The following KRT26 variants were observed in gnomAD, a reference collection of about 807,000 sequenced individuals.
The protein encoded by KRT26 is keratin, type I cytoskeletal 26.
In KRT26, 45 loss-of-function variants were observed where a neutral mutation model predicts 46.1. The observed-to-expected ratio is 0.98, with a 90% CI of 0.77 to 1.25. KRT26 has a LOEUF of 1.25. Ranked by LOEUF, KRT26 falls within the 50% of genes most tolerant of loss-of-function variation. KRT26 has a pLI of 0.00. For missense variants in KRT26, 582 were observed against 560.1 expected (o/e 1.04, Z -0.39); for synonymous variants, 191 against 209.9 (o/e 0.91, Z 0.78).
At chr17:40,766,418 G>A in exon 8 of KRT26, 2 of 981,376 alleles carry the variant, frequency 2.0e-6, no homozygotes, top group South Asian at 3.6e-5. Flanking sequence ...ATTTCCTTAG[G>A]TTATTTGACC....
chr17:40,771,915 C>T, exon 1 of KRT26: 1 of 1,614,154 alleles, frequency 6.2e-7, no homozygotes, highest in African/African-American at 1.3e-5. Flanking sequence ...CCAGCACAGG[C>T]ACCACTTCCC....
intron 6 of KRT26, among the ~76,000 whole-genome samples, chr17:40,768,177 G>T (rs533373761): frequency 3.0e-4 from 46 of 152,328 alleles, no homozygotes; most frequent in African/African-American, 9.9e-4. Context: ...GCCTTGGAGG[G>T]TGCAAGACGT....
exon 7 of KRT26, chr17:40,767,633 T>C: frequency 6.2e-7 from 1 of 1,606,820 alleles, no homozygotes; most frequent in Non-Finnish European, 8.5e-7. Context: ...TTTTGATTTG[T>C]AACATGTGGA....
At position 40,766,645 on chromosome 17, in the gene KRT26, A is replaced by G. The variant is rs201789688; in HGVS notation, c.1277T>C (p.Val426Ala). 49 of 1,612,312 alleles carry G rather than the reference A, an allele frequency of 3.0e-5. No homozygotes were observed. Among genetic ancestry groups the G allele is most frequent in the Non-Finnish European group, 3.5e-5 (41 of 1,178,778 alleles). The change falls in exon 8 of 8, where the codon GTT becomes GCT. Residue 426 changes from valine to alanine, a missense_variant. Transcript: ENST00000335552. ...ATCCAGTTCCTCAACCACTGTTTTA[A>G]CAATAGTTTCTTCTGTTGAGTCTAA... is the stretch of plus-strand genomic sequence containing the variant.
chr17:40,769,204 G>A, intron 5 of KRT26, 108 bp from the exon 6 acceptor site: 1 of 686,392 alleles, frequency 1.5e-6, no homozygotes, highest in Non-Finnish European at 2.4e-6. Context: ...TGTCACCCAG[G>A]CTGAGTGCAG....
intron 2 of KRT26, among the ~76,000 whole-genome samples, chr17:40,770,648 T>C (rs945388324): frequency 1.3e-5 from 2 of 152,192 alleles, no homozygotes; most frequent in African/African-American, 2.4e-5. Context: ...AAATAAAATA[T>C]TGCTAGATTT....
At chr17:40,771,169 T>C in exon 2 of KRT26, 2 of 1,598,318 alleles carry the variant, frequency 1.3e-6, no homozygotes, top group Non-Finnish European at 1.7e-6. Context: ...CCTGAAGTCA[T>C]CAGCGGTCAG....
chr17:40,769,170 T>G, intron 5 of KRT26, 74 bp from the exon 6 acceptor site: 2 of 978,232 alleles, frequency 2.0e-6, no homozygotes, highest in Non-Finnish European at 3.1e-6. Context: ...ATTTTATTTA[T>G]TTTTTTGAGA....
At chr17:40,771,192 A>C (rs1184087266) in exon 2 of KRT26, 6 of 1,608,326 alleles carry the variant, frequency 3.7e-6, no homozygotes, top group Admixed American at 1.7e-5. Flanking sequence ...TGGCATTGTC[A>C]TTTTGTAGAA....
At position 40,768,822 on chromosome 17, in the gene KRT26, T is replaced by C. The variant is rs977109055; in HGVS notation, c.1187+57A>G. On this transcript the variant is annotated intron_variant, in intron 6 of 7. Transcript: ENST00000335552. ...GGATGCAATATTGGCATACCTATAC[T>C]GTGGGAAAACCTAGTTAATGTGAGG... 3.8e-5 allele frequency: 36 copies of C among 948,680 alleles called. 1 individual carries two copies. Among genetic ancestry groups the C allele is most frequent in the Middle Eastern group, 6.4e-4 (2 of 3,142 alleles). 58.8% of individuals were successfully genotyped at this position (948,680 alleles called of 1,614,324 possible). A position where few individuals can be genotyped will look rare whatever the true frequency, so the allele number is the denominator to read the frequency against.
In KRT26 at chr17:40,772,064, C is replaced by T. The variant is rs150379158; in HGVS notation, c.50G>A (p.Gly17Glu). The change falls in exon 1 of 8, where the codon GGG becomes GAG. Residue 17 changes from glycine (G) to glutamate (E), a missense_variant. Physicochemically the swap from Gly to Glu is moderately conservative, Grantham distance 98 (BLOSUM62 -2). Coordinates refer to ENST00000335552, the Ensembl canonical transcript of KRT26. ...TCCTCCACCGGACAGCCTACCAGAC[C>T]CAGTTCGCGAGCAGATCCTCCTGGA... The T allele has an allele frequency of 7.8e-5, 126 of 1,614,142 alleles. No individual in the cohort carries two copies. In the African/African-American group the frequency reaches 1.6e-3, roughly 20 times the overall value.
chr17:40,768,798 G>T, intron 6 of KRT26, 81 bp downstream of exon 6: 1 of 685,284 alleles, frequency 1.5e-6, no homozygotes, highest in Non-Finnish European at 2.4e-6. Context: ...GAAATTCTAG[G>T]ATGCAATATT....
rs769675226 is a variant in KRT26 at position 40,770,247 on chromosome 17, C to T, written c.681+6G>A. 2 of 1,614,146 alleles carry T rather than the reference C, an allele frequency of 1.2e-6. No individual in the cohort carries two copies. The highest frequency in any genetic ancestry group is 8.5e-7 in the Non-Finnish European group (1 of 1,180,012). On this transcript the variant is annotated splice_donor_region_variant and intron_variant, in intron 3 of 7. Coordinates refer to ENST00000335552, the Ensembl canonical transcript of KRT26. ...CTGTATGAAGCCACTCTGCAGGCTT[C>T]CTTACCTCCTCATGACTTTTTTTGA...
At chr17:40,768,947 A>G in exon 6 of KRT26, 1 of 1,612,748 alleles carries the variant, frequency 6.2e-7, no homozygotes, top group East Asian at 2.2e-5. Flanking sequence ...TTACATCAAG[A>G]AGCTGTTCAT....
At position 40,772,036 on chromosome 17, in the gene KRT26, T is replaced by C. The variant is rs768057350; in HGVS notation, c.78A>G (p.Thr26=). The change falls in exon 1 of 8, where the codon ACA becomes ACG. Residue 26 remains threonine, a synonymous_variant. Coordinates refer to ENST00000335552, the Ensembl canonical transcript of KRT26. ...CACACACATTCCCAGCCACGAAGCC[T>C]GTTCCTCCACCGGACAGCCTACCAG... 3 of 1,614,166 alleles carry C rather than the reference T, an allele frequency of 1.9e-6. No homozygotes were observed. The East Asian group carries it at 6.7e-5, about 36-fold the overall frequency.
chr17:40,769,149 C>G, intron 5 of KRT26, 53 bp from the exon 6 acceptor site: 1 of 1,134,284 alleles, frequency 8.8e-7, no homozygotes, highest in Non-Finnish European at 1.3e-6. Flanking sequence ...ATGGCATGGT[C>G]ATCTTATATT....
In KRT26 at chr17:40,768,133, G is replaced by C. The variant is rs563806202; in HGVS notation, c.1188-480C>G. ...CTGAGGAGGGAGCAATCACTGTTGG[G>C]TTCCTGTGAGAATAGGCTGCAGAGG... On this transcript the variant is annotated intron_variant, in intron 6 of 7. Coordinates refer to ENST00000335552, the Ensembl canonical transcript of KRT26. Among the ~76,000 whole-genome samples the C allele has an allele frequency of 2.0e-5, 3 of 152,324 alleles. No homozygotes were observed. In the East Asian group the frequency reaches 5.8e-4, roughly 29 times the overall value.
chr17:40,770,101 T>C, exon 4 of KRT26: 1 of 1,614,160 alleles, frequency 6.2e-7, no homozygotes, highest in Non-Finnish European at 8.5e-7. Flanking sequence ...CCCCCAGCTG[T>C]ATATTGCAAG....
chr17:40,766,812 T>A (rs1258097319), intron 7 of KRT26, 146 bp from the exon 8 acceptor site: 9 of 569,634 alleles, frequency 1.6e-5, no homozygotes, highest in Non-Finnish European at 2.8e-5. Flanking sequence ...TGATCTCGGC[T>A]CACTGCAGCC....
Sources: gnomAD v4.1 joint callset for allele counts (sites outside exome capture counted in the v4.1 genomes callset) on GRCh38, gnomAD v4.1.1 for gene constraint, MANE v1.5 for transcripts, NCBI Gene and HGNC (gene_info 2026-07-23, HGNC 2026-07-21) for gene names.